CPLX1: variants seen among roughly 807,000 people sequenced by gnomAD.
The protein encoded by CPLX1 is complexin-1.
CPLX1 carries 6 observed loss-of-function variants against 15.6 expected under a neutral mutation model. That is an observed-to-expected ratio of 0.39 (90% confidence interval 0.21 to 0.76). The LOEUF (loss-of-function observed/expected upper bound fraction) is 0.76. Among genes scored for constraint, CPLX1 ranks in the 30% least tolerant of loss-of-function variants. CPLX1 has a pLI of 0.43. For synonymous variants in CPLX1, 91 were observed against 75.2 expected (o/e 1.21, Z -1.08); for missense variants, 242 against 188.6 (o/e 1.28, Z -1.66).
At chr4:816,571 A>G (rs1029254191) in intron 2 of CPLX1, among the ~76,000 whole-genome samples, 8 of 151,918 alleles carry the variant, frequency 5.3e-5, no homozygotes, top group East Asian at 1.9e-4. Flanking sequence ...CAGTATCTCA[A>G]TTTTCCCAGT....
At chr4:787,853 T>C (rs1364184877) in intron 3 of CPLX1, 2 of 985,268 alleles carry the variant, frequency 2.0e-6, no homozygotes, top group Non-Finnish European at 2.4e-6. Context: ...AACAGCCTCC[T>C]GCTGCCCAGG....
chr4:787,871 G>A, intron 3 of CPLX1: 1 of 985,440 alleles, frequency 1.0e-6, no homozygotes, highest in Non-Finnish European at 1.2e-6. Context: ...AGGAAGGTGG[G>A]AACCAGTGGG....
intron 3 of CPLX1, among the ~76,000 whole-genome samples, chr4:792,082 G>A (rs903114632): frequency 2.0e-5 from 3 of 152,032 alleles, no homozygotes; most frequent in African/African-American, 7.2e-5. Context: ...CTCCAGGCCG[G>A]GCTCACCTGA....
rs751692728 is a variant in CPLX1 at position 792,426 on chromosome 4, C to T, written c.207+7G>A. Reference sequence around the variant, plus strand: ...CTTCCCGCAGGCGGGGCCGGCCCGGCGCGCACCTTGTCTCGGATGCCCTGG... The same window carrying T: ...CTTCCCGCAGGCGGGGCCGGCCCGGTGCGCACCTTGTCTCGGATGCCCTGG... On this transcript the variant is annotated splice_region_variant and intron_variant, in intron 3 of 3. Transcript: ENST00000304062. 30 of 1,539,862 alleles carry T rather than the reference C, an allele frequency of 1.9e-5. No homozygotes were observed. Among genetic ancestry groups the T allele is most frequent in the African/African-American group, 2.7e-5 (2 of 72,760 alleles).
chr4:814,799 C>G (rs906987361), intron 2 of CPLX1, among the ~76,000 whole-genome samples: 1 of 152,222 alleles, frequency 6.6e-6, no homozygotes, highest in African/African-American at 2.4e-5. Flanking sequence ...CGGGCATCTG[C>G]CAGTATGAAC....
intron 2 of CPLX1, among the ~76,000 whole-genome samples, chr4:800,225 T>C (rs1746423728): frequency 6.6e-6 from 1 of 152,072 alleles, no homozygotes; most frequent in African/African-American, 2.4e-5. Context: ...CCTTGTGGAG[T>C]GAGGGCAAAG....
At chr4:787,577 G>T in intron 3 of CPLX1, 1 of 739,638 alleles carries the variant, frequency 1.4e-6, no homozygotes, top group Non-Finnish European at 1.6e-6. Flanking sequence ...GCGGGCATAC[G>T]AAAGCGGAGG....
At chr4:791,903 C>G (rs1209098164) in intron 3 of CPLX1, among the ~76,000 whole-genome samples, 2 of 152,238 alleles carry the variant, frequency 1.3e-5, no homozygotes, top group Non-Finnish European at 2.9e-5. Context: ...CCGAGGAAGC[C>G]GGAGCGGCTG....
chr4:810,271 G>A (rs562157556), intron 2 of CPLX1, among the ~76,000 whole-genome samples: 9 of 151,626 alleles, frequency 5.9e-5, no homozygotes, highest in African/African-American at 9.7e-5. Context: ...GGATGGTCTC[G>A]ATCTCCTGAC....
chr4:820,881 G>C (rs930092732), intron 2 of CPLX1, among the ~76,000 whole-genome samples: 2 of 152,090 alleles, frequency 1.3e-5, no homozygotes, highest in African/African-American at 4.8e-5. Context: ...TTCCTGCCGA[G>C]AACTCACAGC....
intron 3 of CPLX1, chr4:788,517 C>CGAAGAGCACAGG (rs1449275214): frequency 1.0e-6 from 1 of 985,356 alleles, no homozygotes; most frequent in Non-Finnish European, 1.2e-6. Flanking sequence ...CTCAGTGAAA[C>CGAAGAGCACAGG]GAAGAGCACA....
rs138680728 is a variant in CPLX1 at position 809,227 on chromosome 4, G to C, written c.31+15265C>G. The stretch of plus-strand genomic sequence containing the variant: ...TTCTCAGGGCTGGCGGGTGGCTCTC[G>C]CCACCCCACGTCCTCGCCTATAGAC... On this transcript the variant is annotated intron_variant, in intron 2 of 3. Coordinates refer to ENST00000304062, the MANE Select transcript of CPLX1 (RefSeq NM_006651.4). 4.1e-3 allele frequency among the ~76,000 whole-genome samples: 619 copies of C among 152,320 alleles called. 2 individuals are homozygous for C. Among genetic ancestry groups the C allele is most frequent in the African/African-American group, 0.013 (525 of 41,570 alleles).
At chr4:804,776 GCCTGCAGAGTCCCAGAGACGGCT>G (rs1379219238) in intron 2 of CPLX1, 15 of 985,342 alleles carry the variant, frequency 1.5e-5, no homozygotes, top group Non-Finnish European at 1.8e-5. Flanking sequence ...CTCGGGAAGT[GCCTGCAGAGTCCCAGAGACGGCT>G]CTGGCGGTCG....
At chr4:810,047 CTT>C (rs34354609) in intron 2 of CPLX1, among the ~76,000 whole-genome samples, 3 of 120,324 alleles carry the variant, frequency 2.5e-5, no homozygotes, top group Non-Finnish European at 5.1e-5. Flanking sequence ...TCTGCACTTT[CTT>C]TTTTTTTTTT....
At chr4:789,111 C>A (rs1038117999) in intron 3 of CPLX1, among the ~76,000 whole-genome samples, 1 of 152,204 alleles carries the variant, frequency 6.6e-6, no homozygotes, top group Non-Finnish European at 1.5e-5. Flanking sequence ...GAGGTCACGC[C>A]GGACTTGGCC....
chr4:786,812 A>C, intron 3 of CPLX1, 114 bp from the exon 4 acceptor site: 1 of 1,419,552 alleles, frequency 7.0e-7, no homozygotes, highest in Non-Finnish European at 9.2e-7. Context: ...GCGGCCCCCT[A>C]CCCCACCAGG....
chr4:818,627 G>A (rs1053543027), intron 2 of CPLX1, among the ~76,000 whole-genome samples: 1 of 152,270 alleles, frequency 6.6e-6, no homozygotes, highest in Non-Finnish European at 1.5e-5. Flanking sequence ...CAGGAAAGCC[G>A]CGCCATGTGA....
At chr4:789,592 A>G (rs1299944868) in intron 3 of CPLX1, among the ~76,000 whole-genome samples, 8 of 152,172 alleles carry the variant, frequency 5.3e-5, no homozygotes, top group Admixed American at 5.2e-4. Context: ...TGGGCTGCCC[A>G]ACATGGGTGG....
chr4:792,097 G>T (rs111728799), intron 3 of CPLX1, among the ~76,000 whole-genome samples: 4 of 152,102 alleles, frequency 2.6e-5, no homozygotes, highest in Non-Finnish European at 5.9e-5. Flanking sequence ...ACCTGAGAGC[G>T]CACCCCCCAT....
Sources: allele counts gnomAD v4.1 joint callset (sites outside exome capture counted in the v4.1 genomes callset), GRCh38; gene constraint gnomAD v4.1.1; transcripts MANE v1.5; gene names NCBI Gene and HGNC (gene_info 2026-07-23, HGNC 2026-07-21).